The following TMEM181 variants were observed in gnomAD, a reference collection of about 807,000 sequenced individuals.
TMEM181 encodes the protein G protein-coupled receptor 178.
TMEM181 carries 39 observed loss-of-function variants against 71.9 expected under a neutral mutation model. That is an observed-to-expected ratio of 0.54 (90% CI 0.42 to 0.71). The LOEUF (loss-of-function observed/expected upper bound fraction) is 0.71, where lower values mean the gene tolerates loss of function less well. Ranked by LOEUF, TMEM181 falls within the 30% of genes least tolerant of loss-of-function variation. The pLI is 0.00. For missense variants in TMEM181, 595 were observed against 583.0 expected (o/e 1.02, Z -0.21); for synonymous variants, 245 against 228.8 (o/e 1.07, Z -0.64).
At chr6:158,557,747 G>T (rs985964055), upstream of TMEM181, among the ~76,000 whole-genome samples, 1 of 152,260 alleles carries the variant, frequency 6.6e-6, no homozygotes, top group East Asian at 1.9e-4. Flanking sequence ...GAACTCCTGA[G>T]CTCAGGTGAT....
chr6:158,558,949 A>C (rs931095480), upstream of TMEM181, among the ~76,000 whole-genome samples: 2 of 152,184 alleles, frequency 1.3e-5, no homozygotes, highest in Non-Finnish European at 2.9e-5. Flanking sequence ...TGTTGCTATG[A>C]AGAACCCTTT....
intron 1 of TMEM181, among the ~76,000 whole-genome samples, chr6:158,553,413 A>C (rs1295752690): frequency 6.6e-6 from 1 of 152,220 alleles, no homozygotes; most frequent in East Asian, 1.9e-4. Flanking sequence ...TTCTCTGTTA[A>C]CCATTTTTAT....
chr6:158,620,905 TGA>T lies in TMEM181; in HGVS notation c.897-2641_897-2640del, dbSNP rs1785916328. 6.6e-6 allele frequency among the ~76,000 whole-genome samples: 1 copy of T among 152,240 alleles called. No individual in the cohort carries two copies. Among genetic ancestry groups the T allele is most frequent in the African/African-American group, 2.4e-5 (1 of 41,462 alleles). Reference sequence around the variant, plus strand: ...ATAGGTTTATTTTGGACAATAAACCTGAGAGGGCCTTCTGGCCAAGTTAGGTC... The same window carrying T: ...ATAGGTTTATTTTGGACAATAAACCTGAGGGCCTTCTGGCCAAGTTAGGTC... On this transcript the variant is annotated intron_variant, in intron 10 of 16. Coordinates refer to ENST00000684151, the MANE Select transcript of TMEM181 (RefSeq NM_001376852.1). This position sits in a 1 kb window ranked among gnomAD's most constrained non-coding sequence, Gnocchi z 4.5.
rs568460728 is a variant in TMEM181, at chr6:158,537,241, C to T, written c.131+376C>T. On this transcript the variant is annotated intron_variant, in intron 1 of 16. Transcript: ENST00000367090. The stretch of plus-strand genomic sequence containing the variant: ...CCCCGCGCCCGCCTCGCCGCCCCCG[C>T]TCGGGCCTCACGCGGCGCAGTCTGG... Among the ~76,000 whole-genome samples the T allele has an allele frequency of 2.4e-3, 360 of 152,154 alleles. 1 individual carries two copies. The highest frequency in any genetic ancestry group is 3.8e-3 in the Non-Finnish European group (261 of 67,968).
chr6:158,615,968 C>T (rs191731939), intron 10 of TMEM181, among the ~76,000 whole-genome samples: 68 of 152,176 alleles, frequency 4.5e-4, no homozygotes, highest in African/African-American at 1.4e-3. Flanking sequence ...GCAATGTGGG[C>T]TCTTTTTTGG....
rs766155252 is a variant in TMEM181, at chr6:158,631,560, G to A, written c.1349+171G>A. 2.0e-5 allele frequency among the ~76,000 whole-genome samples: 3 copies of A among 152,306 alleles called. No homozygotes were observed. In the South Asian group the frequency reaches 6.2e-4, roughly 32 times the overall value. ...TTTCACAGTATTCAGGCTTAGATGT[G>A]GTAGTAGTCCTTTCTGCTGGCTACC... On this transcript the variant is annotated intron_variant, in intron 16 of 16. Transcript: ENST00000684151.
At chr6:158,608,502 G>C (rs1350486910) in intron 9 of TMEM181, 39 bp downstream of exon 9, 1 of 1,613,846 alleles carries the variant, frequency 6.2e-7, no homozygotes, top group Middle Eastern at 1.7e-4. Context: ...GGAGGTTCCA[G>C]ACTGTGTCCT....
At position 158,583,776 on chromosome 6, in the gene TMEM181, G is replaced by C. The variant is rs1244569175; in HGVS notation, c.169-178G>C. ...GATCGCGCCACTGCACTCTAGCCTAGGCGACAGAGTGAGACTCCATCAAAA... is the reference window on the plus strand; with the variant it reads ...GATCGCGCCACTGCACTCTAGCCTACGCGACAGAGTGAGACTCCATCAAAA... On this transcript the variant is annotated intron_variant, in intron 3 of 16. Coordinates refer to ENST00000684151, the MANE Select transcript of TMEM181 (RefSeq NM_001376852.1). Among the ~76,000 whole-genome samples the C allele has an allele frequency of 2.0e-5, 3 of 152,260 alleles. No individual in the cohort carries two copies. In the East Asian group the frequency reaches 5.8e-4, roughly 29 times the overall value.
intron 1 of TMEM181, among the ~76,000 whole-genome samples, chr6:158,570,293 T>C (rs1782731246): frequency 6.7e-6 from 1 of 149,602 alleles, no homozygotes; most frequent in East Asian, 2.0e-4. Context: ...GGTGCAGTGG[T>C]GCAATCTCAG....
rs1434033310 is a variant in TMEM181, at chr6:158,608,377, G to T, written c.718G>T (p.Gly240Trp). The T allele has an allele frequency of 6.2e-6, 10 of 1,614,130 alleles. No homozygotes were observed. The Admixed American group carries it at 1.7e-4, about 27-fold the overall frequency. ...LSFLVNSWLP[G>W]MLDDLFQSMF... Reference sequence around the variant, plus strand: ...CTTCCTGGTCAACAGCTGGCTCCCAGGGATGCTGGATGACCTCTTTCAGTC... The same window carrying T: ...CTTCCTGGTCAACAGCTGGCTCCCATGGATGCTGGATGACCTCTTTCAGTC... The change falls in exon 9 of 17, where the codon GGG becomes TGG. Residue 240 changes from glycine (G) to tryptophan (W), a missense_variant. Physicochemically the swap from Gly to Trp is radical, Grantham distance 184 (BLOSUM62 -2). Coordinates refer to ENST00000684151, the MANE Select transcript of TMEM181 (RefSeq NM_001376852.1).
rs1783003055 is a variant in TMEM181 at position 158,573,647 on chromosome 6, T to C, written c.112+124T>C. On this transcript the variant is annotated intron_variant, in intron 2 of 16. Coordinates refer to ENST00000684151, the MANE Select transcript of TMEM181 (RefSeq NM_001376852.1). ...AAGGGCCCCAGCGTGGAGGGAGAAGTGTCCACAGGGTGGATGGGGTCCCAG... is the reference window on the plus strand; with the variant it reads ...AAGGGCCCCAGCGTGGAGGGAGAAGCGTCCACAGGGTGGATGGGGTCCCAG... The C allele has an allele frequency of 3.8e-6, 3 of 795,438 alleles. No individual in the cohort carries two copies. The South Asian group carries it at 5.0e-5, about 13-fold the overall frequency. The allele number at this position is 795,438 out of a possible 1,614,324, so 49.3% of individuals were successfully genotyped here. A position where few individuals can be genotyped will look rare whatever the true frequency, so the allele number is the denominator to read the frequency against.
At chr6:158,550,347 G>C (rs1350992244) in intron 1 of TMEM181, among the ~76,000 whole-genome samples, 1 of 151,184 alleles carries the variant, frequency 6.6e-6, no homozygotes, top group Admixed American at 6.6e-5. Flanking sequence ...GCCCGGCCGA[G>C]ACTTGTTTCT....
chr6:158,588,693 C>T (rs1373950236), intron 5 of TMEM181, among the ~76,000 whole-genome samples: 1 of 152,232 alleles, frequency 6.6e-6, no homozygotes, highest in African/African-American at 2.4e-5. Flanking sequence ...AGTGATCCGC[C>T]TGCCTTGGCC....
At chr6:158,600,916 G>A (rs1043709662) in intron 6 of TMEM181, among the ~76,000 whole-genome samples, 2 of 152,246 alleles carry the variant, frequency 1.3e-5, no homozygotes, top group Non-Finnish European at 2.9e-5. Flanking sequence ...CAACCACCCA[G>A]CCTTTCAGAC....
At chr6:158,581,615 G>A (rs1376343846) in intron 3 of TMEM181, among the ~76,000 whole-genome samples, 1 of 151,792 alleles carries the variant, frequency 6.6e-6, no homozygotes, top group African/African-American at 2.4e-5. Flanking sequence ...TTAGCTGGGC[G>A]TGGTGGGGGG....
chr6:158,561,764 C>T (rs1029158437), intron 1 of TMEM181, among the ~76,000 whole-genome samples: 7 of 152,146 alleles, frequency 4.6e-5, no homozygotes, highest in Admixed American at 2.0e-4. Flanking sequence ...CAGCTGTAAG[C>T]GCTTTGTGCC....
intron 1 of TMEM181, among the ~76,000 whole-genome samples, chr6:158,565,180 G>A (rs1029571377): frequency 6.6e-6 from 1 of 152,244 alleles, no homozygotes; most frequent in Non-Finnish European, 1.5e-5. Context: ...TGCTTACCCG[G>A]ATTGTATCTG....
intron 5 of TMEM181, among the ~76,000 whole-genome samples, chr6:158,586,624 A>G (rs1275309527): frequency 1.3e-5 from 2 of 152,184 alleles, no homozygotes; most frequent in Non-Finnish European, 2.9e-5. Context: ...TACTAGTGAT[A>G]CATATACTGG....
intron 6 of TMEM181, among the ~76,000 whole-genome samples, chr6:158,598,120 T>A (rs780844871): frequency 6.6e-6 from 1 of 152,244 alleles, no homozygotes; most frequent in Non-Finnish European, 1.5e-5. Flanking sequence ...GTTGGTTTCA[T>A]CAGCCATGCT....
Sources: allele counts gnomAD v4.1 joint callset (sites outside exome capture counted in the v4.1 genomes callset), GRCh38; gene constraint gnomAD v4.1.1; non-coding constraint Gnocchi (gnomAD v3.1); transcripts MANE v1.5; gene names NCBI Gene and HGNC (gene_info 2026-07-23, HGNC 2026-07-21).